Variants in ADAMTSL1 observed in about 807,000 individuals in gnomAD.
The protein encoded by ADAMTSL1 is ADAMTS-like protein 1.
Under a neutral mutation model 201.8 loss-of-function variants are expected in ADAMTSL1, and 126 were observed. The ratio of observed to expected loss-of-function variants is 0.62; its 90% confidence interval spans 0.54 to 0.72. ADAMTSL1 has a LOEUF of 0.72. Among genes scored for constraint, ADAMTSL1 ranks in the 30% least tolerant of loss-of-function variants. The pLI is 0.00. For synonymous variants in ADAMTSL1, 1,121 were observed against 903.4 expected (o/e 1.24, Z -4.32); for missense variants, 2,679 against 2,277.8 (o/e 1.18, Z -3.59).
intron 2 of ADAMTSL1, among the ~76,000 whole-genome samples, chr9:18,385,017 C>G (rs1837731937): frequency 6.6e-6 from 1 of 152,146 alleles, no homozygotes; most frequent in African/African-American, 2.4e-5. Context: ...CACTGAACTC[C>G]TCCTATAGTG....
At chr9:18,409,186 C>A (rs748488780) in intron 2 of ADAMTSL1, among the ~76,000 whole-genome samples, 1 of 151,696 alleles carries the variant, frequency 6.6e-6, no homozygotes, top group Non-Finnish European at 1.5e-5. Flanking sequence ...GAGTTTGAGA[C>A]CAGCCTGACC....
intron 4 of ADAMTSL1, among the ~76,000 whole-genome samples, chr9:18,612,915 A>G (rs1825473215): frequency 6.6e-6 from 1 of 152,252 alleles, no homozygotes; most frequent in Admixed American, 6.5e-5. Context: ...AACTATCATC[A>G]GAGTGAACAG....
At chr9:18,003,609 C>G (rs142883605) in intron 1 of ADAMTSL1, among the ~76,000 whole-genome samples, 3 of 152,092 alleles carry the variant, frequency 2.0e-5, no homozygotes, top group Admixed American at 2.0e-4. Context: ...AAAAGTCTGA[C>G]TTTGCTTCTA....
In ADAMTSL1 at chr9:18,229,886, G is replaced by A. The variant is rs1157744305; in HGVS notation, c.207+65905G>A. ...AATTTTTTGTATTTTTAGTAGAGAT[G>A]GGCTTTCACCAGGTTGGCCAGACTT... On this transcript the variant is annotated intron_variant, in intron 2 of 29. Transcript: ENST00000680146. Among the ~76,000 whole-genome samples the A allele has an allele frequency of 7.2e-5, 11 of 151,942 alleles. No homozygotes were observed. The East Asian group carries it at 7.8e-4, about 11-fold the overall frequency.
chr9:17,995,709 G>A (rs1168771695), intron 1 of ADAMTSL1, among the ~76,000 whole-genome samples: 1 of 151,880 alleles, frequency 6.6e-6, no homozygotes, highest in Non-Finnish European at 1.5e-5. Context: ...TGACAAGATT[G>A]CTTAAATTAA....
At chr9:17,971,634 A>AT in intron 1 of ADAMTSL1, among the ~76,000 whole-genome samples, 1 of 151,966 alleles carries the variant, frequency 6.6e-6, no homozygotes, top group East Asian at 1.9e-4. Context: ...CTGTTATAAA[A>AT]TTGTGGCCCA....
rs929084754 is a variant in ADAMTSL1 at position 18,713,683 on chromosome 9, G to A, written c.1876+6635G>A. Among the ~76,000 whole-genome samples the A allele has an allele frequency of 5.5e-3, 823 of 149,696 alleles. 2 individuals carry two copies. The highest frequency in any genetic ancestry group is 9.1e-3 in the Non-Finnish European group (610 of 66,948). On this transcript the variant is annotated intron_variant, in intron 14 of 28. Transcript: ENST00000380548. ...TAACACCCCACTGTCAACATTAGAC[G>A]GATCAACAAGACAGAAAGTCGACAA...
rs1247546356 is a variant in ADAMTSL1 at position 18,254,629 on chromosome 9, C to T, written c.207+90648C>T. ...CCGCCCGCCTCGGCCTCCCAAAGTG[C>T]TGGGATTACAGGCGTGAGCCACCGC... On this transcript the variant is annotated intron_variant, in intron 2 of 29. Transcript: ENST00000680146. Among the ~76,000 whole-genome samples the T allele has an allele frequency of 2.4e-4, 37 of 151,706 alleles. 1 individual carries two copies. Among genetic ancestry groups the T allele is most frequent in the Non-Finnish European group, 3.7e-4 (25 of 67,904 alleles).
chr9:17,931,550 A>G (rs982771425), intron 1 of ADAMTSL1, among the ~76,000 whole-genome samples: 1 of 152,148 alleles, frequency 6.6e-6, no homozygotes, highest in Non-Finnish European at 1.5e-5. Flanking sequence ...TTAGTTTGCA[A>G]ATTGGTTGTT....
Position 18,903,823 on chromosome 9 carries a change from T to TG in ADAMTSL1, c.4852-1956dup, listed in dbSNP as rs2131614476. 1.3e-5 allele frequency among the ~76,000 whole-genome samples: 2 copies of TG among 151,034 alleles called. 1 individual carries two copies. Among genetic ancestry groups the TG allele is most frequent in the East Asian group, 3.9e-4 (2 of 5,142 alleles). ...ACAAAAAGTTGGCCCTCCACATACATGGGTTTCACATCCCAAGACCTTTGG... is the reference window on the plus strand; with the variant it reads ...ACAAAAAGTTGGCCCTCCACATACATGGGGTTTCACATCCCAAGACCTTTGG... On this transcript the variant is annotated intron_variant, in intron 26 of 28. Coordinates refer to ENST00000380548, the MANE Select transcript of ADAMTSL1 (RefSeq NM_001040272.6).
intron 1 of ADAMTSL1, among the ~76,000 whole-genome samples, chr9:17,979,057 G>T (rs1818576314): frequency 6.6e-6 from 1 of 151,908 alleles, no homozygotes; most frequent in Non-Finnish European, 1.5e-5. Flanking sequence ...CTTATTGGTG[G>T]TGTCTATGCG....
intron 4 of ADAMTSL1, among the ~76,000 whole-genome samples, chr9:18,593,479 T>C (rs1394871404): frequency 1.3e-5 from 2 of 152,238 alleles, no homozygotes; most frequent in East Asian, 3.9e-4. Context: ...TCTAGTTCTT[T>C]AAGATGTACT....
At chr9:18,422,039 T>C (rs532951555) in intron 2 of ADAMTSL1, among the ~76,000 whole-genome samples, 187 of 152,320 alleles carry the variant, frequency 1.2e-3, no homozygotes, top group African/African-American at 4.1e-3. Flanking sequence ...AATAAAATAA[T>C]GGTAGTCATT....
intron 22 of ADAMTSL1, among the ~76,000 whole-genome samples, chr9:18,826,673 T>G (rs1824590984): frequency 6.6e-6 from 1 of 152,212 alleles, no homozygotes; most frequent in African/African-American, 2.4e-5. Context: ...ATTTACTAAC[T>G]GCCTGGCATT....
chr9:18,656,360 G>T (rs946516698), intron 7 of ADAMTSL1, among the ~76,000 whole-genome samples: 1 of 152,054 alleles, frequency 6.6e-6, no homozygotes, highest in Non-Finnish European at 1.5e-5. Context: ...GGCCAGGCAC[G>T]GTGGCTCACG....
chr9:18,676,138 G>A (rs1830117559), intron 10 of ADAMTSL1, among the ~76,000 whole-genome samples: 1 of 152,072 alleles, frequency 6.6e-6, no homozygotes, highest in Non-Finnish European at 1.5e-5. Context: ...TTACACTGGA[G>A]TGAAAACAGT....
At chr9:18,315,582 C>A (rs1198499956) in intron 2 of ADAMTSL1, among the ~76,000 whole-genome samples, 1 of 152,142 alleles carries the variant, frequency 6.6e-6, no homozygotes, top group African/African-American at 2.4e-5. Flanking sequence ...AGCTGCTGGC[C>A]CAGGTGCTAA....
At chr9:18,353,001 A>T (rs548174687) in intron 2 of ADAMTSL1, among the ~76,000 whole-genome samples, 9 of 152,318 alleles carry the variant, frequency 5.9e-5, no homozygotes, top group African/African-American at 1.9e-4. Flanking sequence ...TGGATGGCAG[A>T]GGCACAGACC....
chr9:18,042,511 C>A (rs147396335), intron 1 of ADAMTSL1, among the ~76,000 whole-genome samples: 1 of 152,052 alleles, frequency 6.6e-6, no homozygotes, highest in East Asian at 1.9e-4. Context: ...TTGTCAAAAT[C>A]CTCACTAATA....
Sources: allele counts gnomAD v4.1 joint callset (sites outside exome capture counted in the v4.1 genomes callset), GRCh38; gene constraint gnomAD v4.1.1; transcripts MANE v1.5; gene names NCBI Gene and HGNC (gene_info 2026-07-23, HGNC 2026-07-21).